SLC44A1: variants seen among roughly 807,000 people sequenced by gnomAD.
SLC44A1 encodes solute carrier family 44 member 1, also known as choline transporter-like protein 1.
In SLC44A1, 26 loss-of-function variants were observed where a neutral mutation model predicts 79.3. The observed-to-expected ratio is 0.33, with a 90% CI of 0.24 to 0.46. The LOEUF (loss-of-function observed/expected upper bound fraction) is 0.46, where lower values mean the gene tolerates loss of function less well. Among genes scored for constraint, SLC44A1 ranks in the 20% least tolerant of loss-of-function variants. The pLI, the probability that SLC44A1 is intolerant of heterozygous loss-of-function variation, is 1.00. For missense variants in SLC44A1, 688 were observed against 798.1 expected (o/e 0.86, Z 1.66); for synonymous variants, 263 against 286.2 (o/e 0.92, Z 0.82).
chr9:105,412,222 GAATA>G (rs1179582781), intron 15 of SLC44A1, among the ~76,000 whole-genome samples: 3 of 151,942 alleles, frequency 2.0e-5, no homozygotes, highest in Non-Finnish European at 4.4e-5. Flanking sequence ...TTTATTTGTT[GAATA>G]AATATTGATT....
intron 1 of SLC44A1, among the ~76,000 whole-genome samples, chr9:105,270,814 A>G (rs1830059138): frequency 6.6e-6 from 1 of 152,162 alleles, no homozygotes; most frequent in Non-Finnish European, 1.5e-5. Flanking sequence ...CAGTGTTAGA[A>G]CAGTGCCTGG....
intron 1 of SLC44A1, among the ~76,000 whole-genome samples, chr9:105,249,096 G>C (rs900208350): frequency 6.6e-6 from 1 of 152,152 alleles, no homozygotes; most frequent in Non-Finnish European, 1.5e-5. Context: ...TTTGTCCACT[G>C]TCTCATCCCA....
intron 15 of SLC44A1, among the ~76,000 whole-genome samples, chr9:105,418,919 G>A (rs559862381): frequency 2.6e-5 from 4 of 152,308 alleles, no homozygotes; most frequent in African/African-American, 7.2e-5. Context: ...CTTTGACTTA[G>A]AGGGACAACA....
At chr9:105,386,580 C>CT (rs530690936) in intron 15 of SLC44A1, 3,331 of 214,888 alleles carry the variant, frequency 0.016, 43 homozygotes, top group African/African-American at 0.048. Context: ...GATTTTTTGC[C>CT]TTTTTTTTTT....
intron 11 of SLC44A1, 107 bp from the exon 12 acceptor site, chr9:105,366,238 AT>A: frequency 2.0e-6 from 1 of 504,326 alleles, no homozygotes; most frequent in Non-Finnish European, 3.4e-6. Context: ...GCTTTGAAGC[AT>A]AAATTGTGAT....
intron 15 of SLC44A1, among the ~76,000 whole-genome samples, chr9:105,411,291 A>G (rs1168899513): frequency 6.6e-6 from 1 of 152,116 alleles, no homozygotes; most frequent in Non-Finnish European, 1.5e-5. Context: ...CCTAAATGTT[A>G]GTATTTTAAT....
chr9:105,362,487 G>T (rs1460787157), intron 8 of SLC44A1, among the ~76,000 whole-genome samples: 1 of 152,080 alleles, frequency 6.6e-6, no homozygotes, highest in Non-Finnish European at 1.5e-5. Context: ...CCTCGTTTTT[G>T]TGGTGTATCT....
chr9:105,360,685 C>A (rs1827752878), intron 7 of SLC44A1, among the ~76,000 whole-genome samples: 1 of 152,174 alleles, frequency 6.6e-6, no homozygotes, highest in Non-Finnish European at 1.5e-5. Context: ...GGGAACTGTT[C>A]TTTTGATTTG....
intron 15 of SLC44A1, among the ~76,000 whole-genome samples, chr9:105,417,770 A>G (rs1564057496): frequency 6.6e-6 from 1 of 151,316 alleles, no homozygotes; most frequent in Non-Finnish European, 1.5e-5. Context: ...CAGGAGGCTG[A>G]AGCTGGAGGA....
chr9:105,339,716 A>G (rs764825658), intron 4 of SLC44A1, among the ~76,000 whole-genome samples: 16 of 152,094 alleles, frequency 1.1e-4, no homozygotes, highest in Non-Finnish European at 1.5e-4. Flanking sequence ...AGTCCCAGCT[A>G]CTGAGGAGGC....
intron 1 of SLC44A1, among the ~76,000 whole-genome samples, chr9:105,269,172 G>A (rs1278847822): frequency 1.3e-5 from 2 of 151,954 alleles, no homozygotes; most frequent in African/African-American, 4.8e-5. Flanking sequence ...ATTAATTTAG[G>A]GAACACCTCC....
At chr9:105,324,915 T>C (rs1826523649) in intron 3 of SLC44A1, among the ~76,000 whole-genome samples, 1 of 152,234 alleles carries the variant, frequency 6.6e-6, no homozygotes, top group African/African-American at 2.4e-5. Flanking sequence ...ATGTAAAATA[T>C]GATAGCTGCT....
At chr9:105,369,288 G>A (rs950833642) in intron 12 of SLC44A1, among the ~76,000 whole-genome samples, 1 of 152,158 alleles carries the variant, frequency 6.6e-6, no homozygotes. Flanking sequence ...CTAGAGGCTG[G>A]GAAATCCAAG....
rs1326047576 is a variant in SLC44A1, at chr9:105,391,604, C to T, written c.*2548C>T. The stretch of plus-strand genomic sequence containing the variant: ...TTCCTTGATTAATTTGATAAAGCCT[C>T]ACAGAGGATTTTAAGCAATATTTAA... On this transcript the variant is annotated 3_prime_UTR_variant, in exon 16 of 16. Coordinates refer to ENST00000374720, the MANE Select transcript of SLC44A1 (RefSeq NM_080546.5). 1.0e-6 allele frequency: 1 copy of T among 985,086 alleles called. No individual in the cohort carries two copies. Among genetic ancestry groups the T allele is most frequent in the Non-Finnish European group, 1.2e-6 (1 of 829,798 alleles). The allele number at this position is 985,086 out of a possible 1,614,324, so 61.0% of individuals were successfully genotyped here.
chr9:105,353,873 G>T (rs1196637189), intron 5 of SLC44A1, among the ~76,000 whole-genome samples: 1 of 151,834 alleles, frequency 6.6e-6, no homozygotes, highest in Admixed American at 6.6e-5. Flanking sequence ...AGAGAACCAG[G>T]CTTTATTTTA....
At position 105,393,118 on chromosome 9, in the gene SLC44A1, A is replaced by G. The variant is rs1292586756; in HGVS notation, c.*4062A>G. 2.0e-6 allele frequency: 2 copies of G among 985,322 alleles called. No homozygotes were observed. Among genetic ancestry groups the G allele is most frequent in the Non-Finnish European group, 2.4e-6 (2 of 829,910 alleles). The allele number at this position is 985,322 out of a possible 1,614,324, so 61.0% of individuals were successfully genotyped here. ...CTGGTAAGAAGTGGTCTGTGAATGT[A>G]TATTGAAAAAATGTGGGTTCATAAG... On this transcript the variant is annotated 3_prime_UTR_variant, in exon 16 of 16. Transcript: ENST00000374720.
At chr9:105,436,113 G>A (rs902093430) in intron 15 of SLC44A1, among the ~76,000 whole-genome samples, 7 of 152,204 alleles carry the variant, frequency 4.6e-5, no homozygotes, top group Admixed American at 6.5e-5. Flanking sequence ...CAGAAGAATC[G>A]CTGGAACCCA....
chr9:105,386,476 G>A (rs543948000), intron 15 of SLC44A1: 1 of 977,700 alleles, frequency 1.0e-6, no homozygotes, highest in South Asian at 4.7e-5. Context: ...TAAATGATTT[G>A]ATTTATAGCA....
intron 1 of SLC44A1, among the ~76,000 whole-genome samples, chr9:105,297,818 C>T (rs552984272): frequency 6.6e-6 from 1 of 152,296 alleles, no homozygotes; most frequent in South Asian, 2.1e-4. Context: ...CCAGAGGGCT[C>T]CCTTATCTCC....
Sources: gnomAD v4.1 joint callset for allele counts (sites outside exome capture counted in the v4.1 genomes callset) on GRCh38, gnomAD v4.1.1 for gene constraint, MANE v1.5 for transcripts, NCBI Gene and HGNC (gene_info 2026-07-23, HGNC 2026-07-21) for gene names.